The following ARIH2 variants were observed in gnomAD, a reference collection of about 807,000 sequenced individuals.
ARIH2 encodes the protein ariadne RBR E3 ubiquitin protein ligase 2.
In ARIH2, 12 loss-of-function variants were observed where a neutral mutation model predicts 79.8. The observed-to-expected ratio is 0.15, with a 90% CI of 0.10 to 0.24. The LOEUF is 0.24. Among genes scored for constraint, ARIH2 ranks in the 10% least tolerant of loss-of-function variants. The pLI is 1.00. For synonymous variants in ARIH2, 224 were observed against 213.9 expected (o/e 1.05, Z -0.41); for missense variants, 301 against 618.3 (o/e 0.49, Z 5.44).
intron 7 of ARIH2, among the ~76,000 whole-genome samples, chr3:48,970,306 C>A (rs1223390404): frequency 6.6e-6 from 1 of 152,208 alleles, no homozygotes; most frequent in Non-Finnish European, 1.5e-5. Flanking sequence ...GTCTTCCCAC[C>A]TCAGCCTCCT....
intron 2 of ARIH2, among the ~76,000 whole-genome samples, chr3:48,923,228 T>C (rs1215575319): frequency 6.6e-6 from 1 of 151,530 alleles, no homozygotes; most frequent in East Asian, 1.9e-4. Flanking sequence ...AGAAACCTTA[T>C]CTCTATTAAA....
At chr3:48,981,283 G>A (rs2092740724) in intron 13 of ARIH2, among the ~76,000 whole-genome samples, 1 of 151,170 alleles carries the variant, frequency 6.6e-6, no homozygotes, top group Non-Finnish European at 1.5e-5. Flanking sequence ...AGTGAGTGGG[G>A]ATTGCACCAC....
intron 3 of ARIH2, among the ~76,000 whole-genome samples, chr3:48,948,512 T>G (rs1470171206): frequency 6.6e-6 from 1 of 151,608 alleles, no homozygotes; most frequent in African/African-American, 2.4e-5. Flanking sequence ...GGTCTGGAAC[T>G]CCCAACCTCA....
intron 3 of ARIH2, among the ~76,000 whole-genome samples, chr3:48,942,680 T>A (rs944152130): frequency 1.4e-5 from 2 of 146,696 alleles, no homozygotes; most frequent in African/African-American, 5.1e-5. Flanking sequence ...AGATGGAGTT[T>A]CGCTCTTGTT....
chr3:48,953,144 G>T (rs2090158925), intron 3 of ARIH2, among the ~76,000 whole-genome samples: 1 of 152,044 alleles, frequency 6.6e-6, no homozygotes. Flanking sequence ...TGGCCAGGCT[G>T]ATCTCAAACT....
chr3:48,945,424 GTTCTGTGCACTA>G (rs1326486522), intron 3 of ARIH2, among the ~76,000 whole-genome samples: 1 of 152,296 alleles, frequency 6.6e-6, no homozygotes, highest in East Asian at 1.9e-4. Flanking sequence ...AAATTAGTAT[GTTCTGTGCACTA>G]TTTTGAGTAA....
In ARIH2 at chr3:48,964,901, C is replaced by T. The variant is rs2091622536; in HGVS notation, c.324-18C>T. On this transcript the variant is annotated intron_variant, in intron 4 of 15. Coordinates refer to ENST00000356401, the MANE Select transcript of ARIH2 (RefSeq NM_006321.4). ...CTTTAGCTTCTGATTGCCTTCATTT[C>T]TGCTTTTTGTTTTGTAGATACAAGT... The T allele has an allele frequency of 6.2e-7, 1 of 1,610,322 alleles. No individual in the cohort carries two copies. Among genetic ancestry groups the T allele is most frequent in the African/African-American group, 1.3e-5 (1 of 74,852 alleles).
chr3:48,958,583 G>A (rs572423497), intron 3 of ARIH2, among the ~76,000 whole-genome samples: 143 of 152,222 alleles, frequency 9.4e-4, no homozygotes, highest in African/African-American at 3.3e-3. Flanking sequence ...GGTGGCGGGC[G>A]CCTGTAATCC....
At chr3:48,938,932 A>C (rs1320236056) in intron 3 of ARIH2, among the ~76,000 whole-genome samples, 1 of 150,666 alleles carries the variant, frequency 6.6e-6, no homozygotes, top group Non-Finnish European at 1.5e-5. Flanking sequence ...AAAAAAAAAA[A>C]AAAAAAACCA....
Position 48,929,583 on chromosome 3 carries a change from G to A in ARIH2, c.255+1770G>A, listed in dbSNP as rs561956317. ...GGTCTGTGTCCAAAGAATACAGCTC[G>A]TTTATTTTTTTAGGTTATGTACTGC... On this transcript the variant is annotated intron_variant, in intron 3 of 15. Coordinates refer to ENST00000356401, the MANE Select transcript of ARIH2 (RefSeq NM_006321.4). Among the ~76,000 whole-genome samples, 120 of 152,106 alleles carry A rather than the reference G, an allele frequency of 7.9e-4. 1 individual carries two copies. The highest frequency in any genetic ancestry group is 2.6e-3 in the African/African-American group (106 of 41,514).
At position 48,968,539 on chromosome 3, in the gene ARIH2, T is replaced by C; in HGVS notation, c.544T>C (p.Ser182Pro). 6.2e-7 allele frequency: 1 copy of C among 1,609,362 alleles called. No homozygotes were observed. The highest frequency in any genetic ancestry group is 8.5e-7 in the Non-Finnish European group (1 of 1,176,702). ...AGGTTGTTTTTGTTCAACAGGAGTC[T>C]CTTGCATGGCTCAGGACTGTCCACT... is the stretch of plus-strand genomic sequence containing the variant. ...LVKDGVGVGV[S>P]CMAQDCPLRT... The change falls in exon 7 of 16, where the codon TCT becomes CCT. Residue 182 changes from serine (S) to proline (P), a missense_variant. Ser to Pro is a moderately conservative substitution (Grantham distance 74, BLOSUM62 -1). Coordinates refer to ENST00000356401, the MANE Select transcript of ARIH2 (RefSeq NM_006321.4).
At chr3:48,982,824 C>T (rs898843237) in intron 14 of ARIH2, 72 bp from the exon 15 acceptor site, 34 of 1,112,736 alleles carry the variant, frequency 3.1e-5, no homozygotes, top group Non-Finnish European at 3.7e-5. Context: ...CTGCATGTGC[C>T]CACCCCCGTG....
At chr3:48,978,180 A>C (rs2107673810) in intron 11 of ARIH2, among the ~76,000 whole-genome samples, 1 of 152,182 alleles carries the variant, frequency 6.6e-6, no homozygotes, top group South Asian at 2.1e-4. Flanking sequence ...ATCCAACAAA[A>C]CTGTGGTTGG....
At chr3:48,953,835 T>TACAG (rs2090274963) in intron 3 of ARIH2, among the ~76,000 whole-genome samples, 1 of 151,518 alleles carries the variant, frequency 6.6e-6, no homozygotes, top group African/African-American at 2.4e-5. Context: ...TAGCTGGGAC[T>TACAG]ACAGGCACAT....
At chr3:48,956,933 A>C (rs185948800) in intron 3 of ARIH2, among the ~76,000 whole-genome samples, 1 of 151,660 alleles carries the variant, frequency 6.6e-6, no homozygotes, top group East Asian at 2.0e-4. Flanking sequence ...AGCTGGTCTC[A>C]AACTCCTGAC....
At chr3:48,961,581 T>A (rs750869060) in intron 3 of ARIH2, 31 bp from the exon 4 acceptor site, 2 of 1,373,504 alleles carry the variant, frequency 1.5e-6, no homozygotes, top group South Asian at 2.3e-5. Context: ...AATGCAGTTA[T>A]AATTCGATTT....
chr3:48,941,639 C>T (rs1358613938), intron 3 of ARIH2, among the ~76,000 whole-genome samples: 1 of 148,480 alleles, frequency 6.7e-6, no homozygotes, highest in Non-Finnish European at 1.5e-5. Context: ...GTCGCCCAGG[C>T]TGGAGTGCAG....
intron 3 of ARIH2, among the ~76,000 whole-genome samples, chr3:48,958,953 T>C (rs2090929818): frequency 6.6e-6 from 1 of 151,268 alleles, no homozygotes. Flanking sequence ...AAGTGCAGAT[T>C]GCAGTAGCCA....
chr3:48,947,659 T>A (rs1225693498), intron 3 of ARIH2, among the ~76,000 whole-genome samples: 5 of 152,242 alleles, frequency 3.3e-5, no homozygotes, highest in East Asian at 1.9e-4. Flanking sequence ...TTTGATGCAG[T>A]AATATAAGGG....
Sources: allele counts gnomAD v4.1 joint callset (sites outside exome capture counted in the v4.1 genomes callset), GRCh38; gene constraint gnomAD v4.1.1; transcripts MANE v1.5; gene names NCBI Gene and HGNC (gene_info 2026-07-23, HGNC 2026-07-21).